JARID2: variants seen among roughly 807,000 people sequenced by gnomAD.
JARID2 encodes jumonji and AT-rich interaction domain containing 2, also known as protein Jumonji.
Under a neutral mutation model 125.6 loss-of-function variants are expected in JARID2, and 21 were observed. The observed-to-expected ratio is 0.17, with a 90% CI of 0.12 to 0.24. JARID2 has a LOEUF of 0.24. Ranked by LOEUF, JARID2 falls within the 10% of genes least tolerant of loss-of-function variation. The pLI is 1.00. For synonymous variants in JARID2, 736 were observed against 661.6 expected (o/e 1.11, Z -1.73); for missense variants, 1,303 against 1,639.6 (o/e 0.79, Z 3.55).
At chr6:15,397,609 G>C (rs1765266241) in intron 2 of JARID2, among the ~76,000 whole-genome samples, 1 of 152,180 alleles carries the variant, frequency 6.6e-6, no homozygotes, top group Admixed American at 6.5e-5. Context: ...TCCTGAATTA[G>C]AGTTAGTAGA....
At chr6:15,462,275 T>C (rs1047375755) in intron 4 of JARID2, among the ~76,000 whole-genome samples, 2 of 152,232 alleles carry the variant, frequency 1.3e-5, no homozygotes, top group Admixed American at 6.5e-5. Context: ...TGTTTTAATT[T>C]CTTCCCTAAT....
At chr6:15,252,570 T>C (rs997252011) in intron 1 of JARID2, among the ~76,000 whole-genome samples, 2 of 152,206 alleles carry the variant, frequency 1.3e-5, no homozygotes, top group Non-Finnish European at 1.5e-5. Context: ...GCAGAAAGAT[T>C]AGTAATTTTG....
At chr6:15,247,466 C>T in intron 1 of JARID2, 3 of 981,598 alleles carry the variant, frequency 3.1e-6, no homozygotes, top group African/African-American at 1.8e-5. Context: ...GAAAGGGGGA[C>T]CGAGGGATTA....
intron 1 of JARID2, among the ~76,000 whole-genome samples, chr6:15,364,239 C>G (rs975543523): frequency 2.0e-5 from 3 of 152,294 alleles, no homozygotes; most frequent in African/African-American, 7.2e-5. Context: ...TAACTCCTTT[C>G]CATCACCCAC....
intron 1 of JARID2, among the ~76,000 whole-genome samples, chr6:15,333,081 C>T (rs939573238): frequency 2.0e-5 from 3 of 151,640 alleles, no homozygotes; most frequent in Non-Finnish European, 4.4e-5. Context: ...TACAGGCGCC[C>T]ACCACCAGGC....
intron 1 of JARID2, chr6:15,247,600 A>G: frequency 1.0e-6 from 1 of 984,382 alleles, no homozygotes; most frequent in Non-Finnish European, 1.2e-6. Context: ...AGGAAAGTTT[A>G]TTTAAGTTGG....
intron 1 of JARID2, among the ~76,000 whole-genome samples, chr6:15,349,255 T>A (rs1320244190): frequency 6.6e-6 from 1 of 152,192 alleles, no homozygotes; most frequent in Non-Finnish European, 1.5e-5. Flanking sequence ...AGATGGTGAC[T>A]TTTTGTTGGA....
intron 1 of JARID2, among the ~76,000 whole-genome samples, chr6:15,300,718 T>TGAGAGA (rs1369406317): frequency 1.4e-5 from 2 of 140,522 alleles, no homozygotes; most frequent in African/African-American, 5.5e-5. Context: ...TGTGTGTGTG[T>TGAGAGA]GTGTGAGAGA....
At chr6:15,402,967 C>T (rs538259707) in intron 2 of JARID2, among the ~76,000 whole-genome samples, 50 of 151,996 alleles carry the variant, frequency 3.3e-4, no homozygotes, top group African/African-American at 1.1e-3. Flanking sequence ...CTAGAACTGC[C>T]GATTGTAGAG....
At chr6:15,505,053 T>C (rs950445531) in intron 9 of JARID2, 1 of 162,372 alleles carries the variant, frequency 6.2e-6, no homozygotes, top group African/African-American at 2.4e-5. Context: ...TGAGTTAGTA[T>C]GAGGTTGGAA....
chr6:15,321,958 A>C (rs1029855770), intron 1 of JARID2, among the ~76,000 whole-genome samples: 1 of 151,630 alleles, frequency 6.6e-6, no homozygotes, highest in African/African-American at 2.4e-5. Flanking sequence ...CGCCCAGCTA[A>C]TTTTTTGTAT....
Position 15,410,301 on chromosome 6 carries a change from C to G in JARID2, c.259C>G (p.Gln87Glu). The G allele has an allele frequency of 6.2e-7, 1 of 1,613,970 alleles. No homozygotes were observed. Among genetic ancestry groups the G allele is most frequent in the South Asian group, 1.1e-5 (1 of 91,070 alleles). ...QSENEKDDAS[Q>E]VSSTSNDVSS... ...AGAGAATGAAAAGGACGATGCATCC[C>G]AAGTGTCCTCCACTAGCAACGATGT... The change falls in exon 3 of 18, where the codon CAA becomes GAA. Residue 87 changes from glutamine to glutamate, a missense_variant. By Grantham distance (29) the Gln-to-Glu change is conservative. Transcript: ENST00000341776.
chr6:15,430,407 A>G (rs1050892874), intron 3 of JARID2, among the ~76,000 whole-genome samples: 2 of 152,236 alleles, frequency 1.3e-5, no homozygotes, highest in African/African-American at 4.8e-5. Flanking sequence ...TAAACAGAAA[A>G]CAAGAACCAT....
chr6:15,447,672 A>G lies in JARID2; in HGVS notation c.324-4334A>G, dbSNP rs80342727. On this transcript the variant is annotated intron_variant, in intron 3 of 17. Transcript: ENST00000341776. The stretch of plus-strand genomic sequence containing the variant: ...CTGTAATAATGGAATGGCAGGTAGT[A>G]TTCTGTTGAAAATGCCAGTCAGCTG... Among the ~76,000 whole-genome samples the G allele has an allele frequency of 3.9e-3, 594 of 152,320 alleles. 4 individuals carry two copies. Among genetic ancestry groups the G allele is most frequent in the Middle Eastern group, 0.024 (7 of 294 alleles).
At chr6:15,321,912 C>T (rs1762372563) in intron 1 of JARID2, among the ~76,000 whole-genome samples, 1 of 150,100 alleles carries the variant, frequency 6.7e-6, no homozygotes, top group Admixed American at 6.7e-5. Flanking sequence ...CCTGCCTTAG[C>T]CTCCCAAGTA....
At chr6:15,460,371 A>G (rs1390695233) in intron 4 of JARID2, among the ~76,000 whole-genome samples, 4 of 152,188 alleles carry the variant, frequency 2.6e-5, no homozygotes, top group African/African-American at 9.7e-5. Flanking sequence ...TTTTGCTGCC[A>G]GTGAGTACTG....
At chr6:15,412,467 C>G (rs1319811098) in intron 3 of JARID2, among the ~76,000 whole-genome samples, 1 of 152,090 alleles carries the variant, frequency 6.6e-6, no homozygotes, top group African/African-American at 2.4e-5. Flanking sequence ...CACCACCATA[C>G]CTGGCTAATT....
chr6:15,392,680 C>CTTT (rs35429221), intron 2 of JARID2, among the ~76,000 whole-genome samples: 2,222 of 120,842 alleles, frequency 0.018, 69 homozygotes, highest in East Asian at 0.067. Flanking sequence ...GATTAAGAGA[C>CTTT]TTTTTTTTTT....
chr6:15,504,270 A>G (rs1025648092), intron 8 of JARID2, among the ~76,000 whole-genome samples: 1 of 152,212 alleles, frequency 6.6e-6, no homozygotes, highest in Non-Finnish European at 1.5e-5. Context: ...TGGCAGAACA[A>G]TTTGGCCCTC....
Sources: gnomAD v4.1 joint callset for allele counts (sites outside exome capture counted in the v4.1 genomes callset) on GRCh38, gnomAD v4.1.1 for gene constraint, MANE v1.5 for transcripts, NCBI Gene and HGNC (gene_info 2026-07-23, HGNC 2026-07-21) for gene names.